Variants in PATJ observed in about 807,000 individuals in gnomAD.
PATJ encodes PATJ crumbs cell polarity complex component, also known as inaD-like protein.
PATJ carries 190 observed loss-of-function variants against 224.9 expected under a neutral mutation model. The ratio of observed to expected loss-of-function variants is 0.84; its 90% confidence interval spans 0.75 to 0.95. PATJ has a LOEUF of 0.95. Among genes scored for constraint, PATJ ranks in the 40% least tolerant of loss-of-function variants. PATJ has a pLI of 0.00. For missense variants in PATJ, 2,121 were observed against 2,270.3 expected (o/e 0.93, Z 1.34); for synonymous variants, 769 against 820.3 (o/e 0.94, Z 1.07).
intron 27 of PATJ, among the ~76,000 whole-genome samples, chr1:61,945,706 C>T (rs1410846112): frequency 2.6e-5 from 4 of 152,168 alleles, no homozygotes; most frequent in African/African-American, 9.7e-5. Context: ...CAGTTCTGCA[C>T]CAAGCAGACC....
rs1669806853 is a variant in PATJ at position 62,161,214 on chromosome 1, TC to T, written c.*163del. ...AAATGGCTGAGGTTTCATGTGAATT[TC>T]CCAAATCAACAATCATCTCCTAATG... On this transcript the variant is annotated 3_prime_UTR_variant, in exon 44 of 44. Transcript: ENST00000642238. The T allele has an allele frequency of 4.1e-6, 2 of 483,444 alleles. No homozygotes were observed. The highest frequency in any genetic ancestry group is 6.7e-6 in the Non-Finnish European group (2 of 297,656). 29.9% of individuals were successfully genotyped at this position (483,444 alleles called of 1,614,324 possible). A position where few individuals can be genotyped will look rare whatever the true frequency, so the allele number is the denominator to read the frequency against.
chr1:61,805,439 A>T lies in PATJ; in HGVS notation c.1550-9A>T. On this transcript the variant is annotated splice_polypyrimidine_tract_variant and intron_variant, in intron 12 of 43. Transcript: ENST00000642238. ...TCTCTCGCTCTCTCTCTTTTTTTTT[A>T]ATATCCAGAAAAAGTCCCAGACTCT... 1.9e-6 allele frequency: 3 copies of T among 1,559,768 alleles called. No individual in the cohort carries two copies. The highest frequency in any genetic ancestry group is 2.7e-5 in the African/African-American group (2 of 73,214).
intron 24 of PATJ, among the ~76,000 whole-genome samples, chr1:61,906,175 G>A (rs1256650454): frequency 6.6e-6 from 1 of 152,130 alleles, no homozygotes; most frequent in Non-Finnish European, 1.5e-5. Flanking sequence ...ATGAAGAGAT[G>A]CATAGGGCAA....
Position 61,823,076 on chromosome 1 carries a change from T to A in PATJ, c.1815T>A (p.Leu605=). 6.2e-7 allele frequency: 1 copy of A among 1,613,918 alleles called. No homozygotes were observed. Among genetic ancestry groups the A allele is most frequent in the Non-Finnish European group, 8.5e-7 (1 of 1,179,954 alleles). ...LGLLQPEDEL[L]EVNGMQLYGK... Reference sequence around the variant, plus strand: ...TCCTACAGCCAGAAGATGAGCTGCTTGAGGTAAAATTTATGGGGAAAGAAA... The same window carrying A: ...TCCTACAGCCAGAAGATGAGCTGCTAGAGGTAAAATTTATGGGGAAAGAAA... Residue 605 remains leucine (L), a synonymous_variant, in exon 15 of 44, where the codon CTT becomes CTA. Coordinates refer to ENST00000642238, the MANE Select transcript of PATJ (RefSeq NM_001350145.3).
At chr1:62,131,012 C>CT (rs1666207562) in intron 41 of PATJ, among the ~76,000 whole-genome samples, 1 of 152,084 alleles carries the variant, frequency 6.6e-6, no homozygotes, top group Non-Finnish European at 1.5e-5. Flanking sequence ...TCACACTAGT[C>CT]TTTAAGTTAA....
At chr1:61,935,839 G>C (rs1213417527) in intron 27 of PATJ, among the ~76,000 whole-genome samples, 1 of 151,492 alleles carries the variant, frequency 6.6e-6, no homozygotes, top group African/African-American at 2.4e-5. Context: ...TAAAAACTTA[G>C]ATTACCAATT....
intron 18 of PATJ, among the ~76,000 whole-genome samples, chr1:61,857,215 TTAA>T (rs566974510): frequency 1.7e-3 from 254 of 152,302 alleles, no homozygotes; most frequent in Non-Finnish European, 2.9e-3. Flanking sequence ...CAACAAAAAC[TTAA>T]TGATGATGAT....
chr1:61,752,752 C>G (rs1645407069), intron 1 of PATJ, among the ~76,000 whole-genome samples: 1 of 152,144 alleles, frequency 6.6e-6, no homozygotes, highest in African/African-American at 2.4e-5. Context: ...TGTTCACTGT[C>G]AGGAGGATTT....
intron 21 of PATJ, among the ~76,000 whole-genome samples, chr1:61,876,190 G>A (rs1000293262): frequency 2.6e-5 from 4 of 152,094 alleles, no homozygotes; most frequent in Admixed American, 1.3e-4. Context: ...GAATACTTAA[G>A]GGTAAAAATT....
At position 62,000,532 on chromosome 1, in the gene PATJ, A is replaced by AT. The variant is rs1277671616; in HGVS notation, c.3867+10174dup. ...TCCCTGCAAAGGACATGAACTCATC[A>AT]TTTTTTATGGCTGCATAGTATTCCA... On this transcript the variant is annotated intron_variant, in intron 28 of 43. Coordinates refer to ENST00000642238, the MANE Select transcript of PATJ (RefSeq NM_001350145.3). 4.6e-5 allele frequency among the ~76,000 whole-genome samples: 7 copies of AT among 151,640 alleles called. No homozygotes were observed. In the East Asian group the frequency reaches 1.4e-3, roughly 29 times the overall value.
At chr1:62,129,389 C>T (rs1476062080) in intron 41 of PATJ, among the ~76,000 whole-genome samples, 3 of 152,290 alleles carry the variant, frequency 2.0e-5, no homozygotes, top group East Asian at 1.9e-4. Flanking sequence ...AATTGTCACG[C>T]GTAGCAGTCA....
chr1:61,983,571 A>G lies in PATJ; in HGVS notation c.3671-6597A>G, dbSNP rs565405377. Among the ~76,000 whole-genome samples the G allele has an allele frequency of 2.6e-5, 4 of 152,208 alleles. No homozygotes were observed. In the East Asian group the frequency reaches 5.8e-4, roughly 22 times the overall value. On this transcript the variant is annotated intron_variant, in intron 27 of 43. Transcript: ENST00000642238. ...TCTGTCTAAAGCTTTTAGATTTCCA[A>G]TCACTTTTATGTAGCATTGTTTGGA...
chr1:61,814,547 T>TGCGC lies in PATJ; in HGVS notation c.1683+6028_1683+6031dup, dbSNP rs1553168028. Among the ~76,000 whole-genome samples the TGCGC allele has an allele frequency of 1.9e-3, 270 of 142,566 alleles. 1 individual carries two copies. Among genetic ancestry groups the TGCGC allele is most frequent in the African/African-American group, 2.6e-3 (98 of 37,192 alleles). 93.5% of individuals were successfully genotyped at this position (142,566 alleles called of 152,430 possible). A position where few individuals can be genotyped will look rare whatever the true frequency, so the allele number is the denominator to read the frequency against. On this transcript the variant is annotated intron_variant, in intron 14 of 43. Transcript: ENST00000642238. Reference sequence around the variant, plus strand: ...GTGTGTGTGTGTGTGTGTGTGTGTGTGCGCGCGCGCGCGCATGTATGTGGG... The same window carrying TGCGC: ...GTGTGTGTGTGTGTGTGTGTGTGTGTGCGCGCGCGCGCGCGCGCATGTATGTGGG...
chr1:62,125,254 C>CAAACA (rs1665576382), intron 39 of PATJ, among the ~76,000 whole-genome samples: 5 of 71,412 alleles, frequency 7.0e-5, no homozygotes, highest in Admixed American at 5.7e-4. Flanking sequence ...AAAAAAAAAA[C>CAAACA]AAAAAAAAAC....
chr1:61,956,833 CA>C (rs1441732912), intron 27 of PATJ, among the ~76,000 whole-genome samples: 1 of 152,150 alleles, frequency 6.6e-6, no homozygotes, highest in African/African-American at 2.4e-5. Context: ...TGATCATTTG[CA>C]AGTTGTTTAG....
At chr1:61,845,452 A>T (rs1203672937) in intron 17 of PATJ, among the ~76,000 whole-genome samples, 1 of 152,166 alleles carries the variant, frequency 6.6e-6, no homozygotes, top group Non-Finnish European at 1.5e-5. Flanking sequence ...ATAATTTTAA[A>T]AGCTTTTCTT....
intron 25 of PATJ, among the ~76,000 whole-genome samples, chr1:61,912,741 G>A (rs537375318): frequency 3.0e-4 from 46 of 151,462 alleles, no homozygotes; most frequent in African/African-American, 9.9e-4. Flanking sequence ...GGAAGGCAGC[G>A]TAAACATTGT....
chr1:61,883,552 C>A (rs544077030), intron 21 of PATJ, among the ~76,000 whole-genome samples: 1 of 152,100 alleles, frequency 6.6e-6, no homozygotes, highest in Non-Finnish European at 1.5e-5. Context: ...GAGTTCGAGA[C>A]CAGCCTGGCC....
intron 1 of PATJ, among the ~76,000 whole-genome samples, chr1:61,757,290 T>G (rs2148243854): frequency 6.6e-6 from 1 of 152,240 alleles, no homozygotes; most frequent in South Asian, 2.1e-4. Flanking sequence ...CAGGCTGGTC[T>G]TGAAATCCTG....
Sources: allele counts gnomAD v4.1 joint callset (sites outside exome capture counted in the v4.1 genomes callset), GRCh38; gene constraint gnomAD v4.1.1; transcripts MANE v1.5; gene names NCBI Gene and HGNC (gene_info 2026-07-23, HGNC 2026-07-21).